USF3: variants seen among roughly 807,000 people sequenced by gnomAD.
USF3 encodes upstream transcription factor family member 3, also known as basic helix-loop-helix domain-containing protein USF3.
A neutral mutation model predicts 157.5 loss-of-function variants in USF3; 29 were observed. The ratio of observed to expected loss-of-function variants is 0.18; its 90% confidence interval spans 0.14 to 0.25. The LOEUF (loss-of-function observed/expected upper bound fraction) is 0.25. Ranked by LOEUF, USF3 falls within the 10% of genes least tolerant of loss-of-function variation. The pLI, the probability that USF3 is intolerant of heterozygous loss-of-function variation, is 1.00. For synonymous variants in USF3, 893 were observed against 941.4 expected (o/e 0.95, Z 0.94); for missense variants, 2,381 against 2,667.6 (o/e 0.89, Z 2.37).
chr3:113,650,907 G>T lies in USF3; in HGVS notation c.*4037C>A, dbSNP rs114178981. 1.3e-5 allele frequency: 2 copies of T among 152,024 alleles called. No individual in the cohort carries two copies. The highest frequency in any genetic ancestry group is 4.8e-5 in the African/African-American group (2 of 41,396). The allele number at this position is 152,024 out of a possible 1,614,324, so 9.4% of individuals were successfully genotyped here. ...TTCCTACACCTTACCTAGAAAAAAG[G>T]TGCCATCTCTGGTACCGCAAAAGGT... On this transcript the variant is annotated 3_prime_UTR_variant, in exon 7 of 7. Transcript: ENST00000316407.
chr3:113,686,110 G>GA (rs1330531504), intron 1 of USF3, among the ~76,000 whole-genome samples: 1 of 152,150 alleles, frequency 6.6e-6, no homozygotes, highest in Non-Finnish European at 1.5e-5. Context: ...AGTTCATTTA[G>GA]AACTCCAGAG....
rs1947385242 is a variant in USF3 at position 113,657,412 on chromosome 3, G to A, written c.4270C>T (p.Pro1424Ser). 6.2e-7 allele frequency: 1 copy of A among 1,614,120 alleles called. No homozygotes were observed. The highest frequency in any genetic ancestry group is 1.3e-5 in the African/African-American group (1 of 75,018). Residue 1424 changes from proline to serine, a missense_variant, in exon 7 of 7, where the codon CCT becomes TCT. By Grantham distance (74) the Pro-to-Ser change is moderately conservative. Transcript: ENST00000316407. Reference protein sequence around the residue: ...RQTEVQCGSQPSVAEQQQTQA... With the variant: ...RQTEVQCGSQSSVAEQQQTQA... Reference sequence around the variant, plus strand: ...GTTTGCTGCTGTTCAGCAACTGAAGGCTGAGAACCACACTGAACTTCAGTT... The same window carrying A: ...GTTTGCTGCTGTTCAGCAACTGAAGACTGAGAACCACACTGAACTTCAGTT...
intron 4 of USF3, among the ~76,000 whole-genome samples, chr3:113,671,934 A>G (rs888668236): frequency 6.6e-6 from 1 of 151,598 alleles, no homozygotes; most frequent in East Asian, 1.9e-4. Flanking sequence ...ATGCCTGGCT[A>G]ATTTTTTTTT....
Position 113,670,157 on chromosome 3 carries a change from T to C in USF3, c.123A>G (p.Ile41Met), listed in dbSNP as rs1210911890. The C allele has an allele frequency of 6.2e-7, 1 of 1,613,586 alleles. No individual in the cohort carries two copies. The highest frequency in any genetic ancestry group is 1.7e-5 in the Admixed American group (1 of 60,030). The change falls in exon 5 of 7, where the codon ATA becomes ATG. Residue 41 changes from isoleucine (I) to methionine (M), a missense_variant. Transcript: ENST00000316407. The stretch of plus-strand genomic sequence containing the variant: ...CAGGAGAACATGGGATCAGCTCTCC[T>C]ATTCTGTTTATCCCAGCATTAATTT... ...KKKINAGINR[I>M]GELIPCSPAL... is the part of the protein sequence containing the mutation.
At position 113,656,071 on chromosome 3, in the gene USF3, T is replaced by C; in HGVS notation, c.5611A>G (p.Ser1871Gly). The C allele has an allele frequency of 6.2e-7, 1 of 1,614,212 alleles. No individual in the cohort carries two copies. The highest frequency in any genetic ancestry group is 8.5e-7 in the Non-Finnish European group (1 of 1,180,014). The change falls in exon 7 of 7, where the codon AGT (serine) becomes GGT (glycine). Residue 1871 changes from serine (S) to glycine (G), a missense_variant. Coordinates refer to ENST00000316407, the MANE Select transcript of USF3 (RefSeq NM_001009899.4). ...THENVHIRRE[S>G]ESQNRESCDM... is the part of the protein sequence containing the mutation. Reference sequence around the variant, plus strand: ...CAACTTTCCCTATTCTGACTCTCACTCTCTCTTCTAATATGGACATTTTCA... The same window carrying C: ...CAACTTTCCCTATTCTGACTCTCACCCTCTCTTCTAATATGGACATTTTCA...
chr3:113,692,860 C>T (rs975273795), intron 1 of USF3, among the ~76,000 whole-genome samples: 2 of 152,134 alleles, frequency 1.3e-5, no homozygotes, highest in South Asian at 2.1e-4. Context: ...CAGTTAACCA[C>T]GTTTCTTTTA....
intron 1 of USF3, among the ~76,000 whole-genome samples, chr3:113,689,885 C>T (rs1707646484): frequency 6.6e-6 from 1 of 152,216 alleles, no homozygotes; most frequent in South Asian, 2.1e-4. Context: ...CTAACATGAA[C>T]GCTTTTCTTT....
chr3:113,677,062 TGCAGGAAGGGGATGACAGAAA>T (rs944347348), intron 2 of USF3, among the ~76,000 whole-genome samples, 199 bp downstream of exon 2: 2 of 152,144 alleles, frequency 1.3e-5, no homozygotes, highest in African/African-American at 4.8e-5. Flanking sequence ...TAGACATGAA[TGCAGGAAGGGGATGACAGAAA>T]GCACTGACTG....
intron 5 of USF3, among the ~76,000 whole-genome samples, chr3:113,666,610 C>T (rs370963304): frequency 9.2e-5 from 11 of 119,284 alleles, no homozygotes; most frequent in East Asian, 5.2e-4. Flanking sequence ...CCTGCTCTGT[C>T]GCCCGGGCTG....
At chr3:113,684,873 G>A (rs1707513537) in intron 1 of USF3, among the ~76,000 whole-genome samples, 1 of 152,116 alleles carries the variant, frequency 6.6e-6, no homozygotes, top group African/African-American at 2.4e-5. Flanking sequence ...TTCATTCAGT[G>A]AGGTCATGTT....
Position 113,652,104 on chromosome 3 carries a change from A to AGTGTGTGT in USF3, c.*2839_*2840insACACACAC, listed in dbSNP as rs1317486785. ...CCACTGGAGAGAGAGAGAGAGAGAG[A>AGTGTGTGT]GAGAGTGTGTGTGTGTGTGTGTGTG... On this transcript the variant is annotated 3_prime_UTR_variant, in exon 7 of 7. Coordinates refer to ENST00000316407, the MANE Select transcript of USF3 (RefSeq NM_001009899.4). 7.8e-6 allele frequency: 1 copy of AGTGTGTGT among 127,682 alleles called. No individual in the cohort carries two copies. Among genetic ancestry groups the AGTGTGTGT allele is most frequent in the African/African-American group, 3.0e-5 (1 of 33,072 alleles). The allele number at this position is 127,682 out of a possible 1,614,324, so 7.9% of individuals were successfully genotyped here. A position where few individuals can be genotyped will look rare whatever the true frequency, so the allele number is the denominator to read the frequency against.
chr3:113,693,839 G>A (rs1021288773), intron 1 of USF3, among the ~76,000 whole-genome samples: 6 of 152,188 alleles, frequency 3.9e-5, no homozygotes, highest in Non-Finnish European at 7.3e-5. Flanking sequence ...GAGGAATAGA[G>A]GAAAGGTGTC....
Position 113,655,582 on chromosome 3 carries a change from T to C in USF3, c.6100A>G (p.Arg2034Gly). The change falls in exon 7 of 7, where the codon AGA becomes GGA. Residue 2034 changes from arginine to glycine, a missense_variant. This residue lies in a region of USF3 where 770 missense variants were observed against 824.2 expected (regional missense o/e 0.93). Coordinates refer to ENST00000316407, the MANE Select transcript of USF3 (RefSeq NM_001009899.4). ...GGCATGAAACGAACAATACTTCCTC[T>C]CTTCTCTGTGGCAGGTTGTTGACGT... ...LGRQQPATEK[R>G]GSIVRFMPDS... 6.2e-7 allele frequency: 1 copy of C among 1,614,180 alleles called. No homozygotes were observed. Among genetic ancestry groups the C allele is most frequent in the Non-Finnish European group, 8.5e-7 (1 of 1,180,020 alleles).
At position 113,693,592 on chromosome 3, in the gene USF3, A is replaced by C. The variant is rs559765934; in HGVS notation, c.-135+2778T>G. ...AAGAGTCAGAAGGGTTCCAAACCAA[A>C]CCAATCCAACTTAAAACCACTGTGA... On this transcript the variant is annotated intron_variant, in intron 1 of 6. Coordinates refer to ENST00000316407, the MANE Select transcript of USF3 (RefSeq NM_001009899.4). Among the ~76,000 whole-genome samples, 3 of 152,356 alleles carry C rather than the reference A, an allele frequency of 2.0e-5. No individual in the cohort carries two copies. In the South Asian group the frequency reaches 6.2e-4, roughly 32 times the overall value.
At chr3:113,692,796 C>T (rs1248227899) in intron 1 of USF3, among the ~76,000 whole-genome samples, 2 of 152,158 alleles carry the variant, frequency 1.3e-5, no homozygotes, top group Non-Finnish European at 2.9e-5. Flanking sequence ...TGAAGTAGTG[C>T]AATTGTCCCC....
chr3:113,676,037 A>G lies in USF3; in HGVS notation c.-18-1141T>C, dbSNP rs1335155370. 2.6e-5 allele frequency among the ~76,000 whole-genome samples: 4 copies of G among 152,322 alleles called. No individual in the cohort carries two copies. The East Asian group carries it at 7.7e-4, about 29-fold the overall frequency. ...CTTCATTGTCCACATCACTATCAGC[A>G]TTTTGGTCAAAATCATTCAACAAGT... On this transcript the variant is annotated intron_variant, in intron 2 of 6. Transcript: ENST00000316407.
rs1192356844 is a variant in USF3, at chr3:113,660,165, A to C, written c.1517T>G (p.Met506Arg). 3 of 1,614,194 alleles carry C rather than the reference A, an allele frequency of 1.9e-6. No homozygotes were observed. The highest frequency in any genetic ancestry group is 2.5e-6 in the Non-Finnish European group (3 of 1,180,038). Residue 506 changes from methionine to arginine, a missense_variant, in exon 7 of 7, where the codon ATG becomes AGG. Met to Arg is a moderately conservative substitution (Grantham distance 91). Around this residue, in one of 6 missense-constraint regions of USF3, gnomAD observed 1,435 missense variants for 1,550.9 expected, o/e 0.93. Coordinates refer to ENST00000316407, the MANE Select transcript of USF3 (RefSeq NM_001009899.4). Reference sequence around the variant, plus strand: ...TTGTGGCTGGGCAATTAGTGGCTGCATAGGTAAAGATGGACAAGAAGGCAA... The same window carrying C: ...TTGTGGCTGGGCAATTAGTGGCTGCCTAGGTAAAGATGGACAAGAAGGCAA... ...VTLPSCPSLP[M>R]QPLIAQPQVK...
rs776056433 is a variant in USF3 at position 113,659,634 on chromosome 3, G to A, written c.2048C>T (p.Thr683Ile). Residue 683 changes from threonine (T) to isoleucine (I), a missense_variant, in exon 7 of 7, where the codon ACA (threonine) becomes ATA (isoleucine). This residue lies in a region of USF3 where 1,435 missense variants were observed against 1,550.9 expected (regional missense o/e 0.93). Coordinates refer to ENST00000316407, the MANE Select transcript of USF3 (RefSeq NM_001009899.4). ...AATAATTTGCATAGGGGTTTGATTT[G>A]TAGTTCCTGATGAAGACATCACAGG... Reference protein sequence around the residue: ...LQPVMSSSGTTNQTPMQIIQP... With the variant: ...LQPVMSSSGTINQTPMQIIQP... The A allele has an allele frequency of 1.2e-5, 20 of 1,614,096 alleles. No individual in the cohort carries two copies. The Admixed American group carries it at 3.0e-4, about 24-fold the overall frequency.
rs1947307486 is a variant in USF3 at position 113,653,841 on chromosome 3, A to T, written c.*1103T>A. The T allele has an allele frequency of 6.6e-6, 1 of 152,198 alleles. No individual in the cohort carries two copies. Among genetic ancestry groups the T allele is most frequent in the Non-Finnish European group, 1.5e-5 (1 of 68,046 alleles). 9.4% of individuals were successfully genotyped at this position (152,198 alleles called of 1,614,324 possible). A position where few individuals can be genotyped will look rare whatever the true frequency, so the allele number is the denominator to read the frequency against. On this transcript the variant is annotated 3_prime_UTR_variant, in exon 7 of 7. Coordinates refer to ENST00000316407, the MANE Select transcript of USF3 (RefSeq NM_001009899.4). ...CCAACAAGAAAAATAACAAATTCATATTCTCATTATAATTCTGTTATGAAG... is the reference window on the plus strand; with the variant it reads ...CCAACAAGAAAAATAACAAATTCATTTTCTCATTATAATTCTGTTATGAAG...
Sources: gnomAD v4.1 joint callset for allele counts (sites outside exome capture counted in the v4.1 genomes callset) on GRCh38, gnomAD v4.1.1 for gene constraint, gnomAD v4.1.1 regional missense constraint, MANE v1.5 for transcripts, NCBI Gene and HGNC (gene_info 2026-07-23, HGNC 2026-07-21) for gene names.